MRPS9: variants seen among roughly 807,000 people sequenced by gnomAD.
MRPS9 encodes small ribosomal subunit protein uS9m.
MRPS9 carries 45 observed loss-of-function variants against 59.9 expected under a neutral mutation model. The observed-to-expected ratio is 0.75, with a 90% CI of 0.59 to 0.96. The LOEUF is 0.96. MRPS9 is among the 40% of genes least tolerant of loss of function. The pLI is 0.00. For synonymous variants in MRPS9, 171 were observed against 166.8 expected, an observed-to-expected ratio of 1.03 and a Z score of -0.19; for missense variants, 473 against 481.1, an observed-to-expected ratio of 0.98 and a Z score of 0.16.
intron 8 of MRPS9, 52 bp from the exon 9 acceptor site, chr2:105,093,478 C>T (rs1680599431): frequency 9.2e-7 from 1 of 1,083,684 alleles, no homozygotes; most frequent in African/African-American, 1.6e-5. Context: ...TTACCTGTCT[C>T]AAAGCGCAGG....
At chr2:105,092,361 A>G (rs1205392390) in intron 7 of MRPS9, 40 bp from the exon 8 acceptor site, 4 of 1,513,486 alleles carry the variant, frequency 2.6e-6, no homozygotes, top group South Asian at 2.7e-5. Context: ...AGCAAATGCA[A>G]TTACACTTGC....
intron 2 of MRPS9, among the ~76,000 whole-genome samples, chr2:105,069,709 T>C (rs1383340292): frequency 1.3e-5 from 2 of 152,158 alleles, no homozygotes; most frequent in African/African-American, 2.4e-5. Context: ...TGTATCTTTT[T>C]CCAAATGGCA....
At chr2:105,090,353 G>A (rs1680535161) in intron 7 of MRPS9, among the ~76,000 whole-genome samples, 2 of 152,196 alleles carry the variant, frequency 1.3e-5, no homozygotes, top group Admixed American at 1.3e-4. Context: ...TAAGTGTAAG[G>A]AGTCATTATA....
intron 7 of MRPS9, chr2:105,091,216 C>G (rs2104468310): frequency 2.2e-6 from 1 of 458,772 alleles, no homozygotes; most frequent in Non-Finnish European, 4.5e-6. Flanking sequence ...AGAAGAAATC[C>G]TAATGTTTAT....
At chr2:105,089,591 G>C (rs1680517653) in intron 6 of MRPS9, among the ~76,000 whole-genome samples, 1 of 152,142 alleles carries the variant, frequency 6.6e-6, no homozygotes. Flanking sequence ...TCTATTGACA[G>C]GTTAACGTTG....
At chr2:105,073,652 A>T (rs903685032) in intron 4 of MRPS9, among the ~76,000 whole-genome samples, 20 of 152,340 alleles carry the variant, frequency 1.3e-4, no homozygotes, top group African/African-American at 4.8e-4. Flanking sequence ...AAAGCAAGTG[A>T]TAAAAATATT....
At chr2:105,079,732 A>G (rs1028155657) in intron 4 of MRPS9, among the ~76,000 whole-genome samples, 3 of 152,186 alleles carry the variant, frequency 2.0e-5, no homozygotes, top group Non-Finnish European at 2.9e-5. Context: ...AGAAATTCTC[A>G]TAGTGAAATA....
intron 1 of MRPS9, among the ~76,000 whole-genome samples, chr2:105,042,671 CA>C (rs1392500958): frequency 6.6e-6 from 1 of 152,212 alleles, no homozygotes; most frequent in East Asian, 1.9e-4. Flanking sequence ...TTAGCTTAAA[CA>C]AAACTGCATC....
At chr2:105,080,433 G>A (rs563847563) in intron 5 of MRPS9, among the ~76,000 whole-genome samples, 1 of 152,020 alleles carries the variant, frequency 6.6e-6, no homozygotes, top group South Asian at 2.1e-4. Flanking sequence ...AGAATCAAAT[G>A]GTTATTTCTC....
chr2:105,074,737 C>A (rs943147933), intron 4 of MRPS9, among the ~76,000 whole-genome samples: 1 of 152,158 alleles, frequency 6.6e-6, no homozygotes, highest in African/African-American at 2.4e-5. Flanking sequence ...GACCACCAGA[C>A]TCAACTGACT....
At chr2:105,077,287 C>T (rs972832856) in intron 4 of MRPS9, among the ~76,000 whole-genome samples, 1 of 145,492 alleles carries the variant, frequency 6.9e-6, no homozygotes, top group African/African-American at 2.5e-5. Context: ...TCTTGTAAAA[C>T]AATAATGAGA....
chr2:105,098,210 G>A (rs140522410), intron 10 of MRPS9: 17 of 152,324 alleles, frequency 1.1e-4, no homozygotes, highest in African/African-American at 3.8e-4. Context: ...TTAGACTACT[G>A]CTTTAGAAGT....
chr2:105,067,960 T>G (rs1368607361), intron 2 of MRPS9, among the ~76,000 whole-genome samples: 1 of 152,218 alleles, frequency 6.6e-6, no homozygotes, highest in Admixed American at 6.5e-5. Flanking sequence ...CCTGAGTAGC[T>G]GGGACTACAG....
chr2:105,075,300 C>T (rs1430293493), intron 4 of MRPS9, among the ~76,000 whole-genome samples: 2 of 152,052 alleles, frequency 1.3e-5, no homozygotes, highest in Non-Finnish European at 2.9e-5. Context: ...GCTCTTACTG[C>T]GAAACACCCA....
Position 105,038,119 on chromosome 2 carries a change from C to T in MRPS9, c.27C>T (p.Gly9=). Residue 9 remains glycine, a synonymous_variant, in exon 1 of 11, where the codon GGC becomes GGT. Transcript: ENST00000258455. The stretch of plus-strand genomic sequence containing the variant: ...TGGCGGCGCCCTGTGTGTCCTACGG[C>T]GGAGCAGTTTCGTACCGGCTTCTTC... MAAPCVSY[G]GAVSYRLLLW... is the part of the protein sequence containing the mutation. 1 of 1,613,982 alleles carries T rather than the reference C, an allele frequency of 6.2e-7. No homozygotes were observed. The highest frequency in any genetic ancestry group is 8.5e-7 in the Non-Finnish European group (1 of 1,180,012).
chr2:105,081,617 C>T (rs537881520), intron 5 of MRPS9, among the ~76,000 whole-genome samples: 41 of 152,246 alleles, frequency 2.7e-4, no homozygotes, highest in Non-Finnish European at 5.6e-4. Context: ...CTATAAGAGA[C>T]CTAACTTTTC....
intron 1 of MRPS9, among the ~76,000 whole-genome samples, chr2:105,043,926 C>T (rs1420646676): frequency 2.0e-5 from 3 of 149,860 alleles, no homozygotes; most frequent in Non-Finnish European, 4.4e-5. Flanking sequence ...AGTCACCACG[C>T]CCGGCTGCAA....
At chr2:105,071,435 A>T in intron 3 of MRPS9, 24 bp from the exon 4 acceptor site, 1 of 1,588,822 alleles carries the variant, frequency 6.3e-7, no homozygotes, top group Non-Finnish European at 8.6e-7. Flanking sequence ...TAATTATCTA[A>T]TACATTATTA....
chr2:105,065,960 A>T (rs1377133693), intron 2 of MRPS9, among the ~76,000 whole-genome samples: 1 of 152,236 alleles, frequency 6.6e-6, no homozygotes, highest in Non-Finnish European at 1.5e-5. Context: ...AGAAAAAGAA[A>T]GAAAAAGAAA....
Sources: allele counts gnomAD v4.1 joint callset (sites outside exome capture counted in the v4.1 genomes callset), GRCh38; gene constraint gnomAD v4.1.1; transcripts MANE v1.5; gene names NCBI Gene and HGNC (gene_info 2026-07-23, HGNC 2026-07-21).